The following PTPRN2 variants were observed in gnomAD, a reference collection of about 807,000 sequenced individuals.
The protein encoded by PTPRN2 is protein tyrosine phosphatase receptor type N2.
Under a neutral mutation model 118.8 loss-of-function variants are expected in PTPRN2, and 74 were observed. The ratio of observed to expected loss-of-function variants is 0.62; its 90% CI spans 0.52 to 0.76. The LOEUF (loss-of-function observed/expected upper bound fraction) is 0.76, where lower values mean the gene tolerates loss of function less well. PTPRN2 is among the 30% of genes least tolerant of loss of function. The probability of loss-of-function intolerance (pLI) is 0.00; values close to 1 mark genes in which losing one functional copy is unlikely to be tolerated. For missense variants in PTPRN2, 1,481 were observed against 1,394.4 expected, an observed-to-expected ratio of 1.06 and a Z score of -0.99; for synonymous variants, 641 against 608.0, an observed-to-expected ratio of 1.05 and a Z score of -0.80.
Position 157,869,857 on chromosome 7 carries a change from T to C in PTPRN2, c.1788+28816A>G, listed in dbSNP as rs1014300154. On this transcript the variant is annotated intron_variant, in intron 12 of 22. Transcript: ENST00000389418. This position sits in a 1 kb window ranked among gnomAD's most constrained non-coding sequence, Gnocchi z 4.2. ...ACACCCACATAATAAGCAGATGTTA[T>C]TTTTCTCTGGCCCTCCAGAAAGTCA... 3.3e-5 allele frequency among the ~76,000 whole-genome samples: 5 copies of C among 152,212 alleles called. No homozygotes were observed. Among genetic ancestry groups the C allele is most frequent in the South Asian group, 2.1e-4 (1 of 4,824 alleles).
chr7:158,193,925 AGG>A (rs1324185982), intron 4 of PTPRN2, among the ~76,000 whole-genome samples: 1 of 142,572 alleles, frequency 7.0e-6, no homozygotes, highest in Non-Finnish European at 1.5e-5. Context: ...AAAAAAAAAA[AGG>A]AATATAATGT....
At chr7:157,966,768 C>T (rs572995931) in intron 11 of PTPRN2, among the ~76,000 whole-genome samples, 2 of 151,922 alleles carry the variant, frequency 1.3e-5, no homozygotes, top group East Asian at 1.9e-4. Context: ...ATCACCATCA[C>T]AATGATCACT....
At chr7:158,528,846 C>T (rs1249442469) in intron 1 of PTPRN2, among the ~76,000 whole-genome samples, 1 of 152,016 alleles carries the variant, frequency 6.6e-6, no homozygotes, top group African/African-American at 2.4e-5. Flanking sequence ...GGACACTGGC[C>T]TCGGTGAGTC....
rs976036973 is a variant in PTPRN2, at chr7:157,591,250, G to A, written c.2496+3988C>T. Among the ~76,000 whole-genome samples, 10 of 152,280 alleles carry A rather than the reference G, an allele frequency of 6.6e-5. No homozygotes were observed. In the South Asian group the frequency reaches 8.3e-4, roughly 13 times the overall value. Reference sequence around the variant, plus strand: ...TCTTTCCCATCACGGCCTTTCTCACGCTCACACTTTCTTCCTGGAATTTGC... The same window carrying A: ...TCTTTCCCATCACGGCCTTTCTCACACTCACACTTTCTTCCTGGAATTTGC... On this transcript the variant is annotated intron_variant, in intron 17 of 22. Coordinates refer to ENST00000389418, the MANE Select transcript of PTPRN2 (RefSeq NM_002847.5). The surrounding 1 kb of genome is among the most constrained non-coding windows in gnomAD (Gnocchi z 4.4).
intron 11 of PTPRN2, among the ~76,000 whole-genome samples, chr7:158,044,154 C>A (rs1808673121): frequency 6.6e-6 from 1 of 152,216 alleles, no homozygotes; most frequent in Non-Finnish European, 1.5e-5. Flanking sequence ...CTGAGTTACA[C>A]AATTTTAAAA....
intron 12 of PTPRN2, among the ~76,000 whole-genome samples, chr7:157,848,732 T>G (rs553632658): frequency 2.6e-4 from 40 of 152,358 alleles, no homozygotes; most frequent in African/African-American, 9.4e-4. Context: ...GTGGGGCCCC[T>G]GTCCGCAGGC....
At chr7:158,041,099 C>T (rs1245667064) in intron 11 of PTPRN2, among the ~76,000 whole-genome samples, 3 of 152,110 alleles carry the variant, frequency 2.0e-5, no homozygotes, top group Admixed American at 6.5e-5. Flanking sequence ...GTCCGACACT[C>T]GGATCTAAAC....
Position 157,946,497 on chromosome 7 carries a change from G to A in PTPRN2, c.1724-47760C>T, listed in dbSNP as rs558296377. 5.9e-5 allele frequency among the ~76,000 whole-genome samples: 9 copies of A among 152,340 alleles called. No individual in the cohort carries two copies. The South Asian group carries it at 1.7e-3, about 28-fold the overall frequency. ...TTGATGCATCTGGAAACAAGTGAGA[G>A]GCTTTGTTATCAGCATGCAGCCCAG... On this transcript the variant is annotated intron_variant, in intron 11 of 22. Transcript: ENST00000389418.
rs73163860 is a variant in PTPRN2, at chr7:157,674,954, G to C, written c.2001+7771C>G. Among the ~76,000 whole-genome samples the C allele has an allele frequency of 6.6e-6, 1 of 152,062 alleles. No individual in the cohort carries two copies. The highest frequency in any genetic ancestry group is 1.5e-5 in the Non-Finnish European group (1 of 68,008). On this transcript the variant is annotated intron_variant, in intron 13 of 22. Transcript: ENST00000389418. The surrounding 1 kb of genome is among the most constrained non-coding windows in gnomAD (Gnocchi z 4.5). ...AGGGACGGTGGCCCCAAGGGGAGCCGGGAGAGCAGAGGCTACAGGCAGGGA... is the reference window on the plus strand; with the variant it reads ...AGGGACGGTGGCCCCAAGGGGAGCCCGGAGAGCAGAGGCTACAGGCAGGGA...
chr7:158,180,139 C>A (rs560386969), intron 5 of PTPRN2, among the ~76,000 whole-genome samples: 111 of 152,386 alleles, frequency 7.3e-4, no homozygotes, highest in African/African-American at 2.6e-3. Flanking sequence ...CTAAGCCCCA[C>A]TTTGGGGCTC....
At chr7:158,248,684 C>T (rs1487957222) in intron 3 of PTPRN2, among the ~76,000 whole-genome samples, 1 of 147,972 alleles carries the variant, frequency 6.8e-6, no homozygotes, top group Non-Finnish European at 1.5e-5. Flanking sequence ...TGCATATATA[C>T]ACCACACACG....
At chr7:157,601,930 C>T (rs911477394) in intron 16 of PTPRN2, among the ~76,000 whole-genome samples, 2 of 152,228 alleles carry the variant, frequency 1.3e-5, no homozygotes, top group African/African-American at 4.8e-5. Context: ...AGTACAGGAA[C>T]GGAATCCAGG....
intron 9 of PTPRN2, among the ~76,000 whole-genome samples, chr7:158,111,359 C>T (rs2150369918): frequency 6.6e-6 from 1 of 152,312 alleles, no homozygotes; most frequent in South Asian, 2.1e-4. Flanking sequence ...AACCAGGCAG[C>T]CAGCCCACTG....
At chr7:158,154,134 G>A (rs1024194638) in intron 6 of PTPRN2, among the ~76,000 whole-genome samples, 1 of 152,184 alleles carries the variant, frequency 6.6e-6, no homozygotes, top group Admixed American at 6.6e-5. Flanking sequence ...CTGGTCACAG[G>A]CAGGGAATGT....
At chr7:158,107,536 ACAGGGAAAACACTTGACTGCC>A (rs1055839607) in intron 10 of PTPRN2, among the ~76,000 whole-genome samples, 10 of 152,030 alleles carry the variant, frequency 6.6e-5, no homozygotes, top group Non-Finnish European at 1.3e-4. Context: ...ATTGTGAGCC[ACAGGGAAAACACTTGACTGCC>A]CAGGGGCCAC....
chr7:158,477,048 C>T (rs192322458), intron 2 of PTPRN2, among the ~76,000 whole-genome samples: 8 of 152,332 alleles, frequency 5.3e-5, no homozygotes, highest in African/African-American at 4.8e-5. Flanking sequence ...TTCAGTCATT[C>T]GTTTCCATCT....
chr7:157,567,602 G>A (rs923204066), intron 21 of PTPRN2, among the ~76,000 whole-genome samples: 6 of 152,138 alleles, frequency 3.9e-5, no homozygotes, highest in African/African-American at 1.2e-4. Flanking sequence ...TGGCATTCGT[G>A]GAAGTGTATA....
chr7:157,950,452 A>T (rs564235062), intron 11 of PTPRN2, among the ~76,000 whole-genome samples: 1 of 149,306 alleles, frequency 6.7e-6, no homozygotes, highest in Admixed American at 6.7e-5. Flanking sequence ...ATGTTCAGAT[A>T]TGTAATGGGT....
chr7:157,823,406 A>G (rs1240865853), intron 12 of PTPRN2, among the ~76,000 whole-genome samples: 2 of 152,266 alleles, frequency 1.3e-5, no homozygotes, highest in Non-Finnish European at 2.9e-5. Context: ...GTACTTGACA[A>G]TGAGCGTCCG....
Sources: allele counts gnomAD v4.1 joint callset (sites outside exome capture counted in the v4.1 genomes callset), GRCh38; gene constraint gnomAD v4.1.1; non-coding constraint Gnocchi (gnomAD v3.1); transcripts MANE v1.5; gene names NCBI Gene and HGNC (gene_info 2026-07-23, HGNC 2026-07-21).